The following METTL16 variants were observed in gnomAD, a reference collection of about 807,000 sequenced individuals.
METTL16 encodes the protein RNA N(6)-adenosine-methyltransferase METTL16.
A neutral mutation model predicts 57.9 loss-of-function variants in METTL16; 19 were observed. The observed-to-expected ratio is 0.33, with a 90% confidence interval of 0.23 to 0.48. The LOEUF (loss-of-function observed/expected upper bound fraction) is 0.48. Ranked by LOEUF, METTL16 falls within the 20% of genes least tolerant of loss-of-function variation. The pLI, the probability that METTL16 is intolerant of heterozygous loss-of-function variation, is 0.99. For missense variants in METTL16, 434 were observed against 691.5 expected (o/e 0.63, Z 4.18); for synonymous variants, 246 against 255.6 (o/e 0.96, Z 0.36).
intron 6 of METTL16, among the ~76,000 whole-genome samples, chr17:2,448,392 T>C (rs1263514229): frequency 1.5e-4 from 6 of 40,014 alleles, no homozygotes; most frequent in Admixed American, 1.2e-3. Context: ...CATTTTGTTC[T>C]GTACTAAGAA....
At chr17:2,454,807 G>A (rs1175710790) in intron 6 of METTL16, among the ~76,000 whole-genome samples, 1 of 151,870 alleles carries the variant, frequency 6.6e-6, no homozygotes, top group Non-Finnish European at 1.5e-5. Flanking sequence ...CTGGTGATCT[G>A]CCCACCTTGG....
intron 2 of METTL16, among the ~76,000 whole-genome samples, chr17:2,498,031 A>G (rs375443080): frequency 1.5e-4 from 23 of 151,672 alleles, no homozygotes; most frequent in African/African-American, 5.4e-4. Context: ...CATCTCTACT[A>G]AAAATACAAA....
At chr17:2,463,846 G>A (rs1025036193) in intron 6 of METTL16, among the ~76,000 whole-genome samples, 1 of 152,022 alleles carries the variant, frequency 6.6e-6, no homozygotes, top group Non-Finnish European at 1.5e-5. Flanking sequence ...CACAGGGGAG[G>A]CCGGGCACAG....
Position 2,420,364 on chromosome 17 carries a change from C to T in METTL16, c.1295G>A (p.Cys432Tyr). Residue 432 changes from cysteine (C) to tyrosine (Y), a missense_variant, in exon 10 of 10, where the codon TGT becomes TAT. This residue lies in a region of METTL16 where 168 missense variants were observed against 149.6 expected (regional missense o/e 1.12). Coordinates refer to ENST00000263092, the MANE Select transcript of METTL16 (RefSeq NM_024086.4). This position sits in a 1 kb window ranked among gnomAD's most constrained non-coding sequence, Gnocchi z 5.4. ...LARGPQERTP[C>Y]GPALREGEAA... Reference sequence around the variant, plus strand: ...CTCGCCTTCCCGCAGAGCAGGCCCACAGGGGGTCCTCTCCTGGGGGCCCCT... The same window carrying T: ...CTCGCCTTCCCGCAGAGCAGGCCCATAGGGGGTCCTCTCCTGGGGGCCCCT... 6.2e-7 allele frequency: 1 copy of T among 1,612,318 alleles called. No individual in the cohort carries two copies. Among genetic ancestry groups the T allele is most frequent in the Non-Finnish European group, 8.5e-7 (1 of 1,180,006 alleles).
chr17:2,477,985 C>T (rs2067279359), intron 2 of METTL16, 100 bp from the exon 3 acceptor site: 1 of 912,844 alleles, frequency 1.1e-6, no homozygotes, highest in Non-Finnish European at 1.7e-6. Context: ...ATCCGAACCT[C>T]CCAGGGAGAT....
intron 2 of METTL16, among the ~76,000 whole-genome samples, chr17:2,488,826 CACA>C (rs1215114727): frequency 6.6e-6 from 1 of 152,180 alleles, no homozygotes; most frequent in African/African-American, 2.4e-5. Flanking sequence ...TTGCGTTTCT[CACA>C]ACAATAAAAA....
chr17:2,419,737 G>A lies in METTL16; in HGVS notation c.*233C>T, dbSNP rs1355408768. On this transcript the variant is annotated 3_prime_UTR_variant, in exon 10 of 10. Coordinates refer to ENST00000263092, the MANE Select transcript of METTL16 (RefSeq NM_024086.4). ...CTCGGGAGTTTACTGAGGGCTTTCT[G>A]TTGTTACTGATGACCACAATTCCTC... 1.5e-6 allele frequency: 1 copy of A among 687,814 alleles called. No individual in the cohort carries two copies. The highest frequency in any genetic ancestry group is 2.6e-6 in the Non-Finnish European group (1 of 378,574). 42.6% of individuals were successfully genotyped at this position (687,814 alleles called of 1,614,324 possible).
Position 2,511,813 on chromosome 17 carries a change from C to T in METTL16, c.-55G>A. Reference sequence around the variant, plus strand: ...GTGTCTGGCGTGGGCCTGTACAACCCTAGAATCTTAAAGCAGCCGCATAGC... The same window carrying T: ...GTGTCTGGCGTGGGCCTGTACAACCTTAGAATCTTAAAGCAGCCGCATAGC... On this transcript the variant is annotated 5_prime_UTR_variant, in exon 1 of 10. Transcript: ENST00000263092. 2.5e-6 allele frequency: 1 copy of T among 398,600 alleles called. No homozygotes were observed. The highest frequency in any genetic ancestry group is 3.6e-5 in the East Asian group (1 of 28,056). 24.7% of individuals were successfully genotyped at this position (398,600 alleles called of 1,614,324 possible).
chr17:2,489,734 A>G (rs1299829739), intron 2 of METTL16, among the ~76,000 whole-genome samples: 1 of 146,606 alleles, frequency 6.8e-6, no homozygotes, highest in Non-Finnish European at 1.5e-5. Flanking sequence ...GCGAGACTCA[A>G]AAAAAAAAAA....
At chr17:2,449,469 A>G (rs550763368) in intron 6 of METTL16, among the ~76,000 whole-genome samples, 2 of 152,262 alleles carry the variant, frequency 1.3e-5, no homozygotes, top group Non-Finnish European at 2.9e-5. Context: ...CAGCCTCCCA[A>G]CGTGCTGGGA....
intron 2 of METTL16, among the ~76,000 whole-genome samples, chr17:2,489,249 C>T (rs1315277354): frequency 6.6e-6 from 1 of 152,020 alleles, no homozygotes; most frequent in Non-Finnish European, 1.5e-5. Context: ...GAAGCCAGGC[C>T]TTCAGGCTGA....
At chr17:2,447,301 G>A (rs2067007362) in intron 6 of METTL16, among the ~76,000 whole-genome samples, 1 of 145,072 alleles carries the variant, frequency 6.9e-6, no homozygotes, top group Non-Finnish European at 1.5e-5. Context: ...GAGCGTCTCT[G>A]CCCGGCCGCC....
intron 6 of METTL16, among the ~76,000 whole-genome samples, chr17:2,443,043 G>A (rs1045537897): frequency 1.3e-5 from 2 of 151,972 alleles, no homozygotes; most frequent in African/African-American, 2.4e-5. Context: ...AGGCTGGAGT[G>A]CAGTGGCGTG....
intron 6 of METTL16, among the ~76,000 whole-genome samples, chr17:2,459,155 G>C (rs1405216651): frequency 6.6e-6 from 1 of 152,136 alleles, no homozygotes; most frequent in East Asian, 1.9e-4. Flanking sequence ...TCAAGCCACA[G>C]GCACAAAAAG....
At chr17:2,441,790 C>T (rs1158840242) in intron 6 of METTL16, among the ~76,000 whole-genome samples, 2 of 152,166 alleles carry the variant, frequency 1.3e-5, no homozygotes, top group African/African-American at 4.8e-5. Flanking sequence ...TGTACTTAGC[C>T]TCTCCAATGC....
intron 2 of METTL16, among the ~76,000 whole-genome samples, chr17:2,479,330 C>CT (rs34609847): frequency 0.23 from 24,114 of 105,426 alleles, 3,270 homozygotes; most frequent in African/African-American, 0.28. Flanking sequence ...CCACACTAAG[C>CT]TTTTTTTTTT....
At chr17:2,446,048 G>A (rs1319147885) in intron 6 of METTL16, among the ~76,000 whole-genome samples, 1 of 152,062 alleles carries the variant, frequency 6.6e-6, no homozygotes, top group Non-Finnish European at 1.5e-5. Context: ...TTTGGAAAAA[G>A]TCAATGCTTT....
intron 2 of METTL16, among the ~76,000 whole-genome samples, chr17:2,498,732 G>A (rs1197026920): frequency 2.0e-5 from 3 of 151,558 alleles, no homozygotes; most frequent in African/African-American, 7.3e-5. Context: ...GAGCAAGACT[G>A]TGTCTCAGAA....
Position 2,419,707 on chromosome 17 carries a change from AATCCCTCGGG to A in METTL16, c.*253_*262del, listed in dbSNP as rs1448906348. On this transcript the variant is annotated 3_prime_UTR_variant, in exon 10 of 10. Coordinates refer to ENST00000263092, the MANE Select transcript of METTL16 (RefSeq NM_024086.4). ...GAGGGGCCAGCTTGAGCCAGCTTGC[AATCCCTCGGG>A]AGTTTACTGAGGGCTTTCTGTTGTT... 1.6e-6 allele frequency: 1 copy of A among 635,216 alleles called. No homozygotes were observed. The highest frequency in any genetic ancestry group is 1.8e-5 in the African/African-American group (1 of 55,916). The allele number at this position is 635,216 out of a possible 1,614,324, so 39.3% of individuals were successfully genotyped here.
Sources: gnomAD v4.1 joint callset for allele counts (sites outside exome capture counted in the v4.1 genomes callset) on GRCh38, gnomAD v4.1.1 for gene constraint, gnomAD v4.1.1 regional missense constraint, Gnocchi (gnomAD v3.1) non-coding constraint, MANE v1.5 for transcripts, NCBI Gene and HGNC (gene_info 2026-07-23, HGNC 2026-07-21) for gene names.